The following CEP126 variants were observed in gnomAD, a reference collection of about 807,000 sequenced individuals.
CEP126 encodes the protein centrosomal protein of 126 kDa.
A neutral mutation model predicts 107.8 loss-of-function variants in CEP126; 74 were observed. The ratio of observed to expected loss-of-function variants is 0.69; its 90% CI spans 0.57 to 0.83. CEP126 has a LOEUF of 0.83. Among genes scored for constraint, CEP126 ranks in the 40% least tolerant of loss-of-function variants. CEP126 has a pLI of 0.00. For missense variants in CEP126, 1,237 were observed against 1,281.9 expected (o/e 0.96, Z 0.53); for synonymous variants, 449 against 446.0 (o/e 1.01, Z -0.08).
chr11:101,975,560 A>G (rs1941183735), intron 6 of CEP126, among the ~76,000 whole-genome samples: 1 of 151,948 alleles, frequency 6.6e-6, no homozygotes, highest in Non-Finnish European at 1.5e-5. Context: ...CTCCTGCCTT[A>G]ATTTCTTTTT....
chr11:101,998,686 G>C lies in CEP126; in HGVS notation c.*1043G>C, dbSNP rs1941472598. On this transcript the variant is annotated 3_prime_UTR_variant, in exon 11 of 11. Transcript: ENST00000263468. ...TTATTAATAACACTACTAAATTTTGGTTCCTCCATAGAATTAGTTTTGAAA... is the reference window on the plus strand; with the variant it reads ...TTATTAATAACACTACTAAATTTTGCTTCCTCCATAGAATTAGTTTTGAAA... 1 of 150,442 alleles carries C rather than the reference G, an allele frequency of 6.6e-6. No homozygotes were observed. The highest frequency in any genetic ancestry group is 1.5e-5 in the Non-Finnish European group (1 of 67,688). 9.3% of individuals were successfully genotyped at this position (150,442 alleles called of 1,614,324 possible).
At chr11:101,943,565 C>A in intron 2 of CEP126, among the ~76,000 whole-genome samples, 1 of 150,758 alleles carries the variant, frequency 6.6e-6, no homozygotes. Context: ...CACACACAGT[C>A]TTCCAAGGAC....
intron 2 of CEP126, among the ~76,000 whole-genome samples, chr11:101,923,319 G>A (rs1018345526): frequency 6.6e-6 from 1 of 152,036 alleles, no homozygotes; most frequent in Non-Finnish European, 1.5e-5. Context: ...AGCTTTCTAG[G>A]GTAAACTAGA....
Position 101,962,192 on chromosome 11 carries a change from C to T in CEP126, c.1157C>T (p.Thr386Ile), listed in dbSNP as rs1410589263. The T allele has an allele frequency of 4.3e-6, 7 of 1,613,792 alleles. No individual in the cohort carries two copies. The highest frequency in any genetic ancestry group is 5.1e-6 in the Non-Finnish European group (6 of 1,179,800). ...MFVLDKKCEK[T>I]SETSTMRTTD... ...GTACTAGATAAAAAATGTGAAAAGA[C>T]CTCTGAAACTAGCACTATGAGGACA... is the stretch of plus-strand genomic sequence containing the variant. Residue 386 changes from threonine (T) to isoleucine (I), a missense_variant, in exon 6 of 11, where the codon ACC (threonine) becomes ATC (isoleucine). Physicochemically the swap from Thr to Ile is moderately conservative, Grantham distance 89. Around this residue, in one of 3 missense-constraint regions of CEP126, gnomAD observed 1,134 missense variants for 1,150.5 expected, o/e 0.99. Coordinates refer to ENST00000263468, the MANE Select transcript of CEP126 (RefSeq NM_020802.4).
chr11:101,996,554 C>T lies in CEP126; in HGVS notation c.3310-1045C>T, dbSNP rs376549555. ...AATGGCTTTGTTTTCCTGATGGATA[C>T]GGTCTGATAGAGGAAACATAAAAAT... On this transcript the variant is annotated intron_variant, in intron 10 of 10. Transcript: ENST00000263468. Among the ~76,000 whole-genome samples the T allele has an allele frequency of 2.8e-4, 42 of 152,022 alleles. 1 individual carries two copies. The highest frequency in any genetic ancestry group is 2.6e-4 in the Admixed American group (4 of 15,258).
chr11:101,985,504 A>T (rs1454589245), intron 8 of CEP126, among the ~76,000 whole-genome samples: 1 of 152,032 alleles, frequency 6.6e-6, no homozygotes, highest in Non-Finnish European at 1.5e-5. Flanking sequence ...GCTGGTCTTG[A>T]ACTCCTGACC....
chr11:101,969,971 A>G (rs1413197039), intron 6 of CEP126, among the ~76,000 whole-genome samples: 1 of 152,210 alleles, frequency 6.6e-6, no homozygotes. Context: ...TAAATTTTGG[A>G]AGCTAATATA....
In CEP126 at chr11:101,992,887, C is replaced by G. The variant is rs778851156; in HGVS notation, c.3309+45C>G. On this transcript the variant is annotated intron_variant, in intron 10 of 10. Coordinates refer to ENST00000263468, the MANE Select transcript of CEP126 (RefSeq NM_020802.4). The stretch of plus-strand genomic sequence containing the variant: ...CTTTTTTTCTTGTTTTAGGAAACTT[C>G]TGATTTTATGTACACATCAATACAG... The G allele has an allele frequency of 2.7e-6, 4 of 1,457,012 alleles. No homozygotes were observed. In the South Asian group the frequency reaches 4.5e-5, roughly 16 times the overall value. 90.3% of individuals were successfully genotyped at this position (1,457,012 alleles called of 1,614,324 possible).
At chr11:101,918,912 G>GTATGA (rs1022482629) in intron 1 of CEP126, among the ~76,000 whole-genome samples, 2 of 152,142 alleles carry the variant, frequency 1.3e-5, no homozygotes, top group African/African-American at 4.8e-5. Context: ...AGAGATAATG[G>GTATGA]TATGATACAT....
At position 101,915,388 on chromosome 11, in the gene CEP126, G is replaced by T; in HGVS notation, c.104G>T (p.Gly35Val). 1.2e-6 allele frequency: 2 copies of T among 1,613,500 alleles called. No homozygotes were observed. The highest frequency in any genetic ancestry group is 1.7e-6 in the Non-Finnish European group (2 of 1,179,854). ...CCCCTCGGCCCTCGGGAGAGCGGCG[G>T]GCATCACCGACCTGGCTCTTACCTG... is the stretch of plus-strand genomic sequence containing the variant. ...RAPLGPRESG[G>V]HHRPGSYLDM... The change falls in exon 1 of 11, where the codon GGG becomes GTG. Residue 35 changes from glycine (G) to valine (V), a missense_variant. Around this residue, in one of 3 missense-constraint regions of CEP126, gnomAD observed 1,134 missense variants for 1,150.5 expected, o/e 0.99. Coordinates refer to ENST00000263468, the MANE Select transcript of CEP126 (RefSeq NM_020802.4).
Position 101,964,953 on chromosome 11 carries a change from A to G in CEP126, c.2845+1073A>G, listed in dbSNP as rs1020913838. Among the ~76,000 whole-genome samples, 3 of 152,324 alleles carry G rather than the reference A, an allele frequency of 2.0e-5. No homozygotes were observed. The East Asian group carries it at 5.8e-4, about 29-fold the overall frequency. ...AACTTTTGTTAAATTGAGTTGCTAT[A>G]AACTAATATTAATTAGATATACCTA... On this transcript the variant is annotated intron_variant, in intron 6 of 10. Coordinates refer to ENST00000263468, the MANE Select transcript of CEP126 (RefSeq NM_020802.4).
chr11:101,958,450 A>G, intron 5 of CEP126, 84 bp downstream of exon 5: 1 of 1,066,630 alleles, frequency 9.4e-7, no homozygotes. Context: ...CACTAAAGAA[A>G]TATCTTACTA....
intron 2 of CEP126, among the ~76,000 whole-genome samples, chr11:101,943,304 G>A (rs1940690926): frequency 6.6e-6 from 1 of 151,970 alleles, no homozygotes; most frequent in African/African-American, 2.4e-5. Context: ...TCGCCTGAAA[G>A]TATATATAGT....
chr11:101,963,953 T>G, intron 6 of CEP126, 73 bp downstream of exon 6: 1 of 967,420 alleles, frequency 1.0e-6, no homozygotes, highest in Non-Finnish European at 1.6e-6. Context: ...TTGTTCCTAT[T>G]TATGTATGGC....
chr11:101,915,386 C>T lies in CEP126; in HGVS notation c.102C>T (p.Gly34=), dbSNP rs1352616081. Residue 34 remains glycine (G), a synonymous_variant, in exon 1 of 11, where the codon GGC becomes GGT. Transcript: ENST00000263468. The stretch of plus-strand genomic sequence containing the variant: ...CCCCCCTCGGCCCTCGGGAGAGCGG[C>T]GGGCATCACCGACCTGGCTCTTACC... ...DRAPLGPRES[G]GHHRPGSYLD... 2 of 1,613,336 alleles carry T rather than the reference C, an allele frequency of 1.2e-6. No individual in the cohort carries two copies. The highest frequency in any genetic ancestry group is 2.2e-5 in the East Asian group (1 of 44,884).
chr11:101,935,946 G>A lies in CEP126; in HGVS notation c.249-8319G>A, dbSNP rs142934987. ...GGAAGGGGCAAAACTCTCCTCAGTT[G>A]GGAACCACTTCTTTATAGTGAAATA... is the stretch of plus-strand genomic sequence containing the variant. On this transcript the variant is annotated intron_variant, in intron 2 of 10. Transcript: ENST00000263468. Among the ~76,000 whole-genome samples the A allele has an allele frequency of 1.0e-3, 152 of 152,138 alleles. 1 individual carries two copies. The highest frequency in any genetic ancestry group is 2.0e-3 in the Non-Finnish European group (139 of 67,926).
chr11:101,927,120 G>A (rs1007211252), intron 2 of CEP126, among the ~76,000 whole-genome samples: 11 of 152,158 alleles, frequency 7.2e-5, no homozygotes, highest in African/African-American at 2.7e-4. Context: ...TGGCCAACCT[G>A]GTGAAACCCC....
At chr11:101,990,842 G>A (rs1941370743) in intron 9 of CEP126, among the ~76,000 whole-genome samples, 1 of 152,086 alleles carries the variant, frequency 6.6e-6, no homozygotes, top group Non-Finnish European at 1.5e-5. Flanking sequence ...CCCTGAATAA[G>A]TACAGAATAA....
Position 101,915,432 on chromosome 11 carries a change from G to T in CEP126, c.128+20G>T. On this transcript the variant is annotated intron_variant, in intron 1 of 10. Coordinates refer to ENST00000263468, the MANE Select transcript of CEP126 (RefSeq NM_020802.4). ...TTACCTGTATCCTTCCCAGCCTGTG[G>T]CTGCCAGGGTAGCGATGTTGAAAAC... 6.3e-7 allele frequency: 1 copy of T among 1,595,860 alleles called. No individual in the cohort carries two copies.
Sources: gnomAD v4.1 joint callset for allele counts (sites outside exome capture counted in the v4.1 genomes callset) on GRCh38, gnomAD v4.1.1 for gene constraint, gnomAD v4.1.1 regional missense constraint, MANE v1.5 for transcripts, NCBI Gene and HGNC (gene_info 2026-07-23, HGNC 2026-07-21) for gene names.